The following FIBCD1 variants were observed in gnomAD, a reference collection of about 807,000 sequenced individuals.
The protein encoded by FIBCD1 is fibrinogen C domain-containing protein 1.
In FIBCD1, 47 loss-of-function variants were observed where a neutral mutation model predicts 45.1. The ratio of observed to expected loss-of-function variants is 1.04; its 90% CI spans 0.82 to 1.33. The LOEUF (loss-of-function observed/expected upper bound fraction) is 1.33. FIBCD1 is among the 40% of genes most tolerant of loss of function. The pLI is 0.00. For synonymous variants in FIBCD1, 313 were observed against 308.1 expected, an observed-to-expected ratio of 1.02 and a Z score of -0.17; for missense variants, 653 against 682.2, an observed-to-expected ratio of 0.96 and a Z score of 0.48.
In FIBCD1 at chr9:130,903,880, C is replaced by T. The variant is rs573576701; in HGVS notation, c.*184G>A. ...AGCTGCCAAATGGAGGGGGTGGGGA[C>T]GGCGAGAAGGCGATGTGTGACTTCA... is the stretch of plus-strand genomic sequence containing the variant. On this transcript the variant is annotated 3_prime_UTR_variant, in exon 7 of 7. Coordinates refer to ENST00000372338, the MANE Select transcript of FIBCD1 (RefSeq NM_032843.5). 8.8e-5 allele frequency: 66 copies of T among 751,458 alleles called. No homozygotes were observed. The highest frequency in any genetic ancestry group is 4.1e-4 in the East Asian group (15 of 36,926). 46.5% of individuals were successfully genotyped at this position (751,458 alleles called of 1,614,324 possible). A position where few individuals can be genotyped will look rare whatever the true frequency, so the allele number is the denominator to read the frequency against.
intron 2 of FIBCD1, among the ~76,000 whole-genome samples, chr9:130,924,772 A>G (rs1194867314): frequency 6.6e-6 from 1 of 152,130 alleles, no homozygotes; most frequent in African/African-American, 2.4e-5. Flanking sequence ...GTGTTGGGCA[A>G]ATCCAGCTGG....
At chr9:130,917,209 C>T (rs1013715975) in intron 4 of FIBCD1, among the ~76,000 whole-genome samples, 2 of 152,266 alleles carry the variant, frequency 1.3e-5, no homozygotes, top group East Asian at 3.8e-4. Flanking sequence ...GGGCGTCTCT[C>T]TTGGGTCCCG....
chr9:130,923,932 C>T, intron 3 of FIBCD1, 52 bp from the exon 4 acceptor site: 1 of 1,609,082 alleles, frequency 6.2e-7, no homozygotes, highest in Non-Finnish European at 8.5e-7. Flanking sequence ...CGTTCCTGCC[C>T]AGCCCCCTGG....
chr9:130,915,757 C>T lies in FIBCD1; in HGVS notation c.850-3869G>A, dbSNP rs1447503672. On this transcript the variant is annotated intron_variant, in intron 4 of 6. Coordinates refer to ENST00000372338, the MANE Select transcript of FIBCD1 (RefSeq NM_032843.5). ...TGTCGGCCAACGTGGGCACTTTTAACGTGTGCAGTGACGGATTGCGGACCT... is the reference window on the plus strand; with the variant it reads ...TGTCGGCCAACGTGGGCACTTTTAATGTGTGCAGTGACGGATTGCGGACCT... Among the ~76,000 whole-genome samples, 3 of 152,280 alleles carry T rather than the reference C, an allele frequency of 2.0e-5. No homozygotes were observed. The East Asian group carries it at 5.8e-4, about 29-fold the overall frequency.
At chr9:130,938,435 GC>G in intron 1 of FIBCD1, 100 bp downstream of exon 1, 1 of 1,011,040 alleles carries the variant, frequency 9.9e-7, no homozygotes, top group Non-Finnish European at 1.3e-6. Context: ...GAAGGGGTGC[GC>G]CCCAAACTCC....
At chr9:130,919,068 C>T (rs3847196) in intron 4 of FIBCD1, among the ~76,000 whole-genome samples, 76,673 of 152,000 alleles carry the variant, frequency 0.5, 20,456 homozygotes, top group East Asian at 0.71. Context: ...TGGCAGTCGG[C>T]GCCTGCCGGC....
intron 4 of FIBCD1, among the ~76,000 whole-genome samples, chr9:130,923,088 C>A (rs1466805119): frequency 6.6e-6 from 1 of 152,202 alleles, no homozygotes; most frequent in Non-Finnish European, 1.5e-5. Context: ...AAATGTCTGT[C>A]CAACTGAAAT....
chr9:130,910,964 AAACGCACC>A (rs1832026198), intron 5 of FIBCD1, among the ~76,000 whole-genome samples: 2 of 152,176 alleles, frequency 1.3e-5, no homozygotes, highest in Non-Finnish European at 2.9e-5. Context: ...CAGGGATTGT[AAACGCACC>A]AATCAGCCCC....
At chr9:130,924,810 A>C (rs935003762) in intron 2 of FIBCD1, among the ~76,000 whole-genome samples, 1 of 152,162 alleles carries the variant, frequency 6.6e-6, no homozygotes, top group Non-Finnish European at 1.5e-5. Flanking sequence ...TGCCGGTTAT[A>C]TGACTAGGGG....
chr9:130,912,688 T>TA (rs925085332), intron 4 of FIBCD1, among the ~76,000 whole-genome samples: 11 of 145,072 alleles, frequency 7.6e-5, no homozygotes, highest in African/African-American at 2.9e-4. Flanking sequence ...GCCTGGGTGA[T>TA]AGAGCAAAAC....
intron 4 of FIBCD1, among the ~76,000 whole-genome samples, chr9:130,918,859 C>T (rs996009107): frequency 6.6e-6 from 1 of 152,354 alleles, no homozygotes; most frequent in East Asian, 1.9e-4. Context: ...CTGTTTCTCT[C>T]TGCATAAGCC....
chr9:130,909,760 T>TAA (rs34679672), intron 5 of FIBCD1, among the ~76,000 whole-genome samples: 30,168 of 147,058 alleles, frequency 0.21, 3,484 homozygotes, highest in East Asian at 0.51. Flanking sequence ...AGTGAAATGT[T>TAA]AAAAAAAAAA....
intron 2 of FIBCD1, 51 bp from the exon 3 acceptor site, chr9:130,924,447 G>A: frequency 6.5e-7 from 1 of 1,527,390 alleles, no homozygotes; most frequent in Non-Finnish European, 8.9e-7. Flanking sequence ...GTTGGGGGTG[G>A]GGTGGCGCAC....
At chr9:130,916,233 T>G (rs1370847697) in intron 4 of FIBCD1, among the ~76,000 whole-genome samples, 1 of 152,230 alleles carries the variant, frequency 6.6e-6, no homozygotes, top group Non-Finnish European at 1.5e-5. Context: ...CCAGCCTTAG[T>G]GCACTGATAT....
At chr9:130,920,835 C>T (rs141852266) in intron 4 of FIBCD1, among the ~76,000 whole-genome samples, 41 of 152,342 alleles carry the variant, frequency 2.7e-4, no homozygotes, top group African/African-American at 8.4e-4. Context: ...TGGCACAAGT[C>T]GGCTTCCTTG....
intron 4 of FIBCD1, among the ~76,000 whole-genome samples, chr9:130,915,702 C>CA (rs1832147046): frequency 6.6e-6 from 1 of 151,730 alleles, no homozygotes. Flanking sequence ...GACTCTGTCT[C>CA]AAAAAAATAA....
At chr9:130,924,076 CT>C (rs1335761866) in intron 3 of FIBCD1, among the ~76,000 whole-genome samples, 160 bp downstream of exon 3, 3 of 152,234 alleles carry the variant, frequency 2.0e-5, no homozygotes. Context: ...GGGACTTACT[CT>C]CCTCATCTGG....
chr9:130,914,968 A>G (rs1306740211), intron 4 of FIBCD1, among the ~76,000 whole-genome samples: 1 of 152,150 alleles, frequency 6.6e-6, no homozygotes, highest in Non-Finnish European at 1.5e-5. Flanking sequence ...AAGCTCGGAC[A>G]CTGGCCAGCG....
In FIBCD1 at chr9:130,922,877, C is replaced by T. The variant is rs1188216420; in HGVS notation, c.849+867G>A. Among the ~76,000 whole-genome samples, 1 of 152,142 alleles carries T rather than the reference C, an allele frequency of 6.6e-6. No homozygotes were observed. The highest frequency in any genetic ancestry group is 2.4e-5 in the African/African-American group (1 of 41,420). On this transcript the variant is annotated intron_variant, in intron 4 of 6. Coordinates refer to ENST00000372338, the MANE Select transcript of FIBCD1 (RefSeq NM_032843.5). This position sits in a 1 kb window ranked among gnomAD's most constrained non-coding sequence, Gnocchi z 4.5. ...CCTCCTCCTGGAATACCTTCTCCTT[C>T]CTGCCCGCACTCAGAAATCCTCCCT...
Sources: gnomAD v4.1 joint callset for allele counts (sites outside exome capture counted in the v4.1 genomes callset) on GRCh38, gnomAD v4.1.1 for gene constraint, Gnocchi (gnomAD v3.1) non-coding constraint, MANE v1.5 for transcripts, NCBI Gene and HGNC (gene_info 2026-07-23, HGNC 2026-07-21) for gene names.